The following ATP5PB variants were observed in gnomAD, a reference collection of about 807,000 sequenced individuals.
The protein encoded by ATP5PB is ATP synthase peripheral stalk-membrane subunit b.
Under a neutral mutation model 34.5 loss-of-function variants are expected in ATP5PB, and 21 were observed. The ratio of observed to expected loss-of-function variants is 0.61; its 90% CI spans 0.43 to 0.88. The LOEUF is 0.88. ATP5PB is among the 40% of genes least tolerant of loss of function. ATP5PB has a pLI of 0.00. For missense variants in ATP5PB, 293 were observed against 317.4 expected, an observed-to-expected ratio of 0.92 and a Z score of 0.58; for synonymous variants, 108 against 114.1, an observed-to-expected ratio of 0.95 and a Z score of 0.34.
Position 111,449,513 on chromosome 1 carries a change from T to TA in ATP5PB, c.-27dup. 2.5e-6 allele frequency: 4 copies of TA among 1,614,158 alleles called. No homozygotes were observed. The highest frequency in any genetic ancestry group is 3.4e-6 in the Non-Finnish European group (4 of 1,180,018). ...TCTCCTATCGGGGTCACAGGGACGC[T>TA]AAGATTGCTACCTGGACTTTCGTTG... On this transcript the variant is annotated 5_prime_UTR_variant, in exon 1 of 7. Coordinates refer to ENST00000369722, the MANE Select transcript of ATP5PB (RefSeq NM_001688.5).
chr1:111,462,376 G>A lies in ATP5PB; in HGVS notation c.*1382G>A, dbSNP rs1298995769. ...GATAGTGGTGATGGTGGCACATTAA[G>A]GATGTATTTAATACTGTTCTTAAAT... On this transcript the variant is annotated 3_prime_UTR_variant, in exon 7 of 7. Coordinates refer to ENST00000369722, the MANE Select transcript of ATP5PB (RefSeq NM_001688.5). The A allele has an allele frequency of 6.6e-6, 1 of 152,192 alleles. No homozygotes were observed. The highest frequency in any genetic ancestry group is 1.5e-5 in the Non-Finnish European group (1 of 68,036). The allele number at this position is 152,192 out of a possible 1,614,324, so 9.4% of individuals were successfully genotyped here.
At chr1:111,458,428 A>C (rs1176376603) in intron 5 of ATP5PB, among the ~76,000 whole-genome samples, 1 of 152,208 alleles carries the variant, frequency 6.6e-6, no homozygotes, top group East Asian at 1.9e-4. Flanking sequence ...GAAAGAACTA[A>C]TAGTGCAAAG....
At chr1:111,454,995 A>G (rs1025635690) in intron 3 of ATP5PB, among the ~76,000 whole-genome samples, 2 of 152,222 alleles carry the variant, frequency 1.3e-5, no homozygotes, top group South Asian at 4.1e-4. Flanking sequence ...GAGTAACTGT[A>G]TAATATACTG....
intron 3 of ATP5PB, among the ~76,000 whole-genome samples, chr1:111,454,669 C>T (rs1233374617): frequency 6.6e-6 from 1 of 152,118 alleles, no homozygotes; most frequent in Admixed American, 6.5e-5. Context: ...TCTCCAACTC[C>T]TGGGCTTGTG....
chr1:111,449,719 G>A, intron 1 of ATP5PB, 118 bp from the exon 2 acceptor site: 1 of 1,566,418 alleles, frequency 6.4e-7, no homozygotes, highest in Non-Finnish European at 8.8e-7. Flanking sequence ...GGGAGCGTGG[G>A]GTCTTGAGGG....
At chr1:111,451,563 A>T (rs1317267843) in intron 2 of ATP5PB, among the ~76,000 whole-genome samples, 1 of 152,132 alleles carries the variant, frequency 6.6e-6, no homozygotes, top group Non-Finnish European at 1.5e-5. Context: ...GAAAGTCAGT[A>T]AATGTTTTTT....
intron 3 of ATP5PB, 55 bp downstream of exon 3, chr1:111,454,411 A>T (rs1571376156): frequency 6.5e-7 from 1 of 1,528,440 alleles, no homozygotes; most frequent in Non-Finnish European, 8.8e-7. Flanking sequence ...CACTAAAATC[A>T]AGTTAGGTGG....
Position 111,456,690 on chromosome 1 carries a change from A to G in ATP5PB, c.448A>G (p.Ile150Val), listed in dbSNP as rs150276317. 1,454 of 1,613,764 alleles carry G rather than the reference A, an allele frequency of 9.0e-4. 13 individuals carry two copies. The East Asian group carries it at 0.016, about 17-fold the overall frequency. The change falls in exon 5 of 7, where the codon ATT becomes GTT. Residue 150 changes from isoleucine to valine, a missense_variant. Coordinates refer to ENST00000369722, the MANE Select transcript of ATP5PB (RefSeq NM_001688.5). Reference protein sequence around the residue: ...QASIQHIQNAIDTEKSQQALV... With the variant: ...QASIQHIQNAVDTEKSQQALV... ...TTCCATCCAACACATCCAGAATGCA[A>G]TTGATACGGAGAAGTCACAACAGGC...
rs1250704689 is a variant in ATP5PB, at chr1:111,449,866, G to C, written c.70G>C (p.Gly24Arg). 6.2e-7 allele frequency: 1 copy of C among 1,614,132 alleles called. No individual in the cohort carries two copies. Among genetic ancestry groups the C allele is most frequent in the Admixed American group, 1.7e-5 (1 of 60,018 alleles). The change falls in exon 2 of 7, where the codon GGT becomes CGT. Residue 24 changes from glycine to arginine, a missense_variant. Transcript: ENST00000369722. The part of the protein sequence containing the change: ...APSLKNAAFL[G>R]PGVLQATRTF... The stretch of plus-strand genomic sequence containing the variant: ...CTCTCTGAAGAATGCAGCCTTCCTA[G>C]GTCCAGGGTAAGTGTGAGGATAATG...
At chr1:111,449,632 G>T (rs1653248571) in intron 1 of ATP5PB, 51 bp downstream of exon 1, 6 of 1,563,994 alleles carry the variant, frequency 3.8e-6, no homozygotes, top group Non-Finnish European at 5.2e-6. Flanking sequence ...GGAAAGAAGC[G>T]AATCTAGGGG....
chr1:111,457,899 AATGC>A (rs772970820), intron 5 of ATP5PB, among the ~76,000 whole-genome samples: 1 of 152,260 alleles, frequency 6.6e-6, no homozygotes, highest in Non-Finnish European at 1.5e-5. Context: ...CACACACGTG[AATGC>A]ATGCATACAT....
intron 5 of ATP5PB, among the ~76,000 whole-genome samples, chr1:111,458,537 GAAGGCCCAT>G (rs1336623104): frequency 1.3e-5 from 2 of 152,138 alleles, no homozygotes; most frequent in East Asian, 3.8e-4. Flanking sequence ...GGAAAAGTAA[GAAGGCCCAT>G]ACAGCTGAAG....
At chr1:111,450,204 A>G (rs1462805835) in intron 2 of ATP5PB, among the ~76,000 whole-genome samples, 1 of 152,222 alleles carries the variant, frequency 6.6e-6, no homozygotes, top group East Asian at 1.9e-4. Context: ...AGTAGATGAC[A>G]TACCCAAGAA....
chr1:111,450,401 A>G (rs993783614), intron 2 of ATP5PB, among the ~76,000 whole-genome samples: 2 of 152,204 alleles, frequency 1.3e-5, no homozygotes, highest in African/African-American at 4.8e-5. Flanking sequence ...CATGGAGCTC[A>G]CAGTCTAGGA....
In ATP5PB at chr1:111,454,275, C is replaced by A. The variant is rs1653409057; in HGVS notation, c.142C>A (p.Pro48Thr). Residue 48 changes from proline to threonine, a missense_variant, in exon 3 of 7, where the codon CCT (proline) becomes ACT (threonine). Physicochemically the swap from Pro to Thr is conservative, Grantham distance 38. Coordinates refer to ENST00000369722, the MANE Select transcript of ATP5PB (RefSeq NM_001688.5). Reference protein sequence around the residue: ...QPHLVPVPPLPEYGGKVRYGL... With the variant: ...QPHLVPVPPLTEYGGKVRYGL... ...ACACCTTGTCCCTGTACCACCTCTTCCTGAATACGGAGGAAAAGTTCGTTA... is the reference window on the plus strand; with the variant it reads ...ACACCTTGTCCCTGTACCACCTCTTACTGAATACGGAGGAAAAGTTCGTTA... The A allele has an allele frequency of 6.2e-7, 1 of 1,613,394 alleles. No homozygotes were observed. The highest frequency in any genetic ancestry group is 8.5e-7 in the Non-Finnish European group (1 of 1,179,856).
chr1:111,461,918 A>C lies in ATP5PB; in HGVS notation c.*924A>C, dbSNP rs1253256272. On this transcript the variant is annotated 3_prime_UTR_variant, in exon 7 of 7. Coordinates refer to ENST00000369722, the MANE Select transcript of ATP5PB (RefSeq NM_001688.5). ...TCCATCTAGAAAAAAAAAAAAAAAA[A>C]TCCAGCAGACACCTATCAGGAACAT... 1 of 151,782 alleles carries C rather than the reference A, an allele frequency of 6.6e-6. No homozygotes were observed. Among genetic ancestry groups the C allele is most frequent in the East Asian group, 1.9e-4 (1 of 5,176 alleles). The allele number at this position is 151,782 out of a possible 1,614,324, so 9.4% of individuals were successfully genotyped here. A position where few individuals can be genotyped will look rare whatever the true frequency, so the allele number is the denominator to read the frequency against.
rs985373886 is a variant in ATP5PB, at chr1:111,462,293, A to G, written c.*1299A>G. 6.6e-6 allele frequency: 1 copy of G among 152,270 alleles called. No individual in the cohort carries two copies. The highest frequency in any genetic ancestry group is 1.5e-5 in the Non-Finnish European group (1 of 68,050). The allele number at this position is 152,270 out of a possible 1,614,324, so 9.4% of individuals were successfully genotyped here. On this transcript the variant is annotated 3_prime_UTR_variant, in exon 7 of 7. Coordinates refer to ENST00000369722, the MANE Select transcript of ATP5PB (RefSeq NM_001688.5). ...AAGGAAGAAAATTCTGACACTGGCTACAGCATGAATGAACCTTGAGGACGT... is the reference window on the plus strand; with the variant it reads ...AAGGAAGAAAATTCTGACACTGGCTGCAGCATGAATGAACCTTGAGGACGT...
At chr1:111,452,756 A>G (rs1056830400) in intron 2 of ATP5PB, among the ~76,000 whole-genome samples, 2 of 149,736 alleles carry the variant, frequency 1.3e-5, no homozygotes, top group African/African-American at 4.9e-5. Context: ...ACATTTAGCA[A>G]TGTCTGGAGA....
rs1050541709 is a variant in ATP5PB, at chr1:111,462,567, G to A, written c.*1573G>A. 4.6e-5 allele frequency: 7 copies of A among 152,036 alleles called. No homozygotes were observed. The highest frequency in any genetic ancestry group is 7.4e-5 in the Non-Finnish European group (5 of 67,992). The allele number at this position is 152,036 out of a possible 1,614,324, so 9.4% of individuals were successfully genotyped here. On this transcript the variant is annotated 3_prime_UTR_variant, in exon 7 of 7. Coordinates refer to ENST00000369722, the MANE Select transcript of ATP5PB (RefSeq NM_001688.5). The stretch of plus-strand genomic sequence containing the variant: ...ATTTGTATTCAAATGGACAAATTAC[G>A]CAATAGGAAATATTTGAAAATATTT...
Sources: allele counts gnomAD v4.1 joint callset (sites outside exome capture counted in the v4.1 genomes callset), GRCh38; gene constraint gnomAD v4.1.1; transcripts MANE v1.5; gene names NCBI Gene and HGNC (gene_info 2026-07-23, HGNC 2026-07-21).